Variants in REV3L observed in about 807,000 individuals in gnomAD.
REV3L encodes REV3 like, DNA directed polymerase zeta catalytic subunit.
In REV3L, 69 loss-of-function variants were observed where a neutral mutation model predicts 299.4. The observed-to-expected ratio is 0.23, with a 90% CI of 0.19 to 0.28. The LOEUF is 0.28. Among genes scored for constraint, REV3L ranks in the 10% least tolerant of loss-of-function variants. REV3L has a pLI of 1.00. For synonymous variants in REV3L, 1,238 were observed against 1,271.4 expected, an observed-to-expected ratio of 0.97 and a Z score of 0.56; for missense variants, 3,128 against 3,693.8, an observed-to-expected ratio of 0.85 and a Z score of 3.97.
chr6:111,436,920 T>TA (rs753986446), intron 1 of REV3L, among the ~76,000 whole-genome samples: 2 of 152,138 alleles, frequency 1.3e-5, no homozygotes, highest in African/African-American at 4.8e-5. Context: ...TATGTCTCAA[T>TA]AAAAAATACT....
At chr6:111,482,632 C>A in intron 1 of REV3L, 118 bp downstream of exon 1, 5 of 515,116 alleles carry the variant, frequency 9.7e-6, no homozygotes, top group Non-Finnish European at 1.3e-5. Flanking sequence ...AGGGAAGACG[C>A]GGCAGCGATC....
Position 111,376,613 on chromosome 6 carries a change from T to C in REV3L, c.1742A>G (p.His581Arg). 6.2e-7 allele frequency: 1 copy of C among 1,613,410 alleles called. No individual in the cohort carries two copies. Among genetic ancestry groups the C allele is most frequent in the Non-Finnish European group, 8.5e-7 (1 of 1,179,888 alleles). The change falls in exon 13 of 32, where the codon CAC (histidine) becomes CGC (arginine). Residue 581 changes from histidine (H) to arginine (R), a missense_variant. Physicochemically the swap from His to Arg is conservative, Grantham distance 29 (BLOSUM62 0). Transcript: ENST00000368802. Reference sequence around the variant, plus strand: ...AACATGGGAAGAAAGGGCACTTGTGTGTTTACACTGAAAGGTAATCTTAGC... The same window carrying C: ...AACATGGGAAGAAAGGGCACTTGTGCGTTTACACTGAAAGGTAATCTTAGC... The part of the protein sequence containing the change: ...SSAKITFQCK[H>R]TSALSSHVLN...
Position 111,439,534 on chromosome 6 carries a change from T to C in REV3L, c.140-23062A>G, listed in dbSNP as rs185271102. Among the ~76,000 whole-genome samples the C allele has an allele frequency of 1.1e-3, 161 of 152,294 alleles. 1 individual carries two copies. Among genetic ancestry groups the C allele is most frequent in the African/African-American group, 3.8e-3 (158 of 41,564 alleles). On this transcript the variant is annotated intron_variant, in intron 1 of 31. Coordinates refer to ENST00000368802, the MANE Select transcript of REV3L (RefSeq NM_001372078.1). ...ACAGTCATTCAACATTTGAAGCACATTGGAAAAGTGAAAAAGCTACATAAG... is the reference window on the plus strand; with the variant it reads ...ACAGTCATTCAACATTTGAAGCACACTGGAAAAGTGAAAAAGCTACATAAG...
intron 20 of REV3L, among the ~76,000 whole-genome samples, chr6:111,345,533 T>C (rs1234043352): frequency 1.3e-5 from 2 of 152,164 alleles, no homozygotes; most frequent in Non-Finnish European, 2.9e-5. Flanking sequence ...CTAATGATTT[T>C]GTCCTCCATC....
rs1421785082 is a variant in REV3L at position 111,303,683 on chromosome 6, TTTTTTAACAGACTATGAC to T, written c.9253-3545_9253-3528del. On this transcript the variant is annotated intron_variant, in intron 31 of 31. Coordinates refer to ENST00000368802, the MANE Select transcript of REV3L (RefSeq NM_001372078.1). ...TCCCCAGCCGAGGCTTTTTTTTTTT[TTTTTTAACAGACTATGAC>T]TTTTTTTTTTTTTTTTTTTTTTTTT... Among the ~76,000 whole-genome samples the T allele has an allele frequency of 6.1e-4, 52 of 85,732 alleles. 11 individuals are homozygous for T. Among genetic ancestry groups the T allele is most frequent in the South Asian group, 1.1e-3 (2 of 1,746 alleles). 56.2% of individuals were successfully genotyped at this position (85,732 alleles called of 152,430 possible).
At chr6:111,475,257 CTTCCCTACTGATATGT>C (rs1051580230) in intron 1 of REV3L, among the ~76,000 whole-genome samples, 1 of 152,132 alleles carries the variant, frequency 6.6e-6, no homozygotes, top group Non-Finnish European at 1.5e-5. Context: ...CACCTAACTA[CTTCCCTACTGATATGT>C]TTAGCATGTT....
At chr6:111,416,701 A>T (rs1784800356) in intron 1 of REV3L, among the ~76,000 whole-genome samples, 1 of 152,254 alleles carries the variant, frequency 6.6e-6, no homozygotes, top group East Asian at 1.9e-4. Context: ...CTTAAACAGT[A>T]GTTTTGATGA....
intron 9 of REV3L, among the ~76,000 whole-genome samples, chr6:111,384,465 A>T (rs1781138466): frequency 6.6e-6 from 1 of 152,218 alleles, no homozygotes; most frequent in African/African-American, 2.4e-5. Context: ...TCAAAAGAAG[A>T]TATACAAATG....
chr6:111,434,701 A>G (rs7741557), intron 1 of REV3L, among the ~76,000 whole-genome samples: 102,565 of 151,430 alleles, frequency 0.68, 37,000 homozygotes, highest in Non-Finnish European at 0.82. Flanking sequence ...ATTTATATAC[A>G]CCAACAGCAA....
chr6:111,461,569 A>T (rs1790779355), intron 1 of REV3L, among the ~76,000 whole-genome samples: 1 of 152,062 alleles, frequency 6.6e-6, no homozygotes, highest in South Asian at 2.1e-4. Context: ...AAAGTCTTAG[A>T]GTAGTAATAT....
At chr6:111,317,937 A>G (rs1279453281) in intron 26 of REV3L, among the ~76,000 whole-genome samples, 5 of 152,208 alleles carry the variant, frequency 3.3e-5, no homozygotes, top group Admixed American at 3.3e-4. Flanking sequence ...ATTGTTGAGC[A>G]GTATTCCACT....
chr6:111,402,786 G>A (rs1783223967), intron 4 of REV3L, among the ~76,000 whole-genome samples: 1 of 152,114 alleles, frequency 6.6e-6, no homozygotes, highest in South Asian at 2.1e-4. Context: ...AATTATGGCA[G>A]TTAGAAAGGA....
rs771078376 is a variant in REV3L at position 111,377,834 on chromosome 6, G to A, written c.1464C>T (p.Cys488=). Residue 488 remains cysteine (C), a synonymous_variant, in exon 12 of 32, where the codon TGC becomes TGT. Coordinates refer to ENST00000368802, the MANE Select transcript of REV3L (RefSeq NM_001372078.1). ...EEHCAKKRSL[C]RNTHRSSTED... ...CAGTTGAACTTCTGTGGGTATTTCT[G>A]CACAGTGATCTGGAGAACATTAAAA... The A allele has an allele frequency of 1.9e-6, 3 of 1,610,544 alleles. No homozygotes were observed. The African/African-American group carries it at 4.0e-5, about 22-fold the overall frequency.
At chr6:111,476,836 GAC>G (rs1201340892) in intron 1 of REV3L, among the ~76,000 whole-genome samples, 1 of 152,082 alleles carries the variant, frequency 6.6e-6, no homozygotes, top group Non-Finnish European at 1.5e-5. Context: ...CATTTTGGTT[GAC>G]ACATATTTTG....
intron 16 of REV3L, 63 bp from the exon 17 acceptor site, chr6:111,359,077 T>C (rs760028946): frequency 1.5e-4 from 203 of 1,383,630 alleles, no homozygotes; most frequent in Non-Finnish European, 1.9e-4. Flanking sequence ...CAAAGAAGTA[T>C]GTAAGGCTCT....
chr6:111,315,472 T>C, intron 26 of REV3L, 91 bp from the exon 27 acceptor site: 1 of 903,600 alleles, frequency 1.1e-6, no homozygotes, highest in East Asian at 2.6e-5. Flanking sequence ...GACTCTTGTC[T>C]AATGCCAAAG....
chr6:111,481,250 G>C (rs896904691), intron 1 of REV3L, among the ~76,000 whole-genome samples: 1 of 152,102 alleles, frequency 6.6e-6, no homozygotes. Flanking sequence ...TCCTTCCTCT[G>C]CATCTGAAGT....
chr6:111,437,517 T>C (rs963460955), intron 1 of REV3L, among the ~76,000 whole-genome samples: 3 of 151,434 alleles, frequency 2.0e-5, no homozygotes, highest in African/African-American at 7.2e-5. Context: ...AGTATACAAT[T>C]TTTAATTAAA....
At chr6:111,365,180 G>A (rs1779070776) in intron 15 of REV3L, 85 bp downstream of exon 15, 2 of 879,612 alleles carry the variant, frequency 2.3e-6, no homozygotes, top group Non-Finnish European at 1.7e-6. Context: ...TTTTTTAATT[G>A]AGACAAAGTT....
Sources: gnomAD v4.1 joint callset for allele counts (sites outside exome capture counted in the v4.1 genomes callset) on GRCh38, gnomAD v4.1.1 for gene constraint, MANE v1.5 for transcripts, NCBI Gene and HGNC (gene_info 2026-07-23, HGNC 2026-07-21) for gene names.